The following FRMD4A variants were observed in gnomAD, a reference collection of about 807,000 sequenced individuals.
FRMD4A encodes the protein FERM domain-containing protein 4A.
FRMD4A carries 29 observed loss-of-function variants against 129.1 expected under a neutral mutation model. That is an observed-to-expected ratio of 0.22 (90% CI 0.17 to 0.31). The LOEUF (loss-of-function observed/expected upper bound fraction) is 0.31. FRMD4A is among the 10% of genes least tolerant of loss of function. The pLI, the probability that FRMD4A is intolerant of heterozygous loss-of-function variation, is 1.00. For synonymous variants in FRMD4A, 634 were observed against 571.6 expected, an observed-to-expected ratio of 1.11 and a Z score of -1.56; for missense variants, 1,272 against 1,375.8, an observed-to-expected ratio of 0.92 and a Z score of 1.19.
At chr10:13,759,672 T>C (rs1474580943) in intron 8 of FRMD4A, among the ~76,000 whole-genome samples, 1 of 152,180 alleles carries the variant, frequency 6.6e-6, no homozygotes, top group East Asian at 1.9e-4. Context: ...CAAATTAATG[T>C]CATAAAAAAG....
chr10:14,119,215 C>A (rs1410132832), intron 2 of FRMD4A, among the ~76,000 whole-genome samples: 2 of 152,160 alleles, frequency 1.3e-5, no homozygotes, highest in African/African-American at 4.8e-5. Context: ...ACCTGGGCTG[C>A]AGCTTCTGTG....
At chr10:13,754,909 T>G (rs147847246) in intron 8 of FRMD4A, among the ~76,000 whole-genome samples, 1 of 152,332 alleles carries the variant, frequency 6.6e-6, no homozygotes, top group East Asian at 1.9e-4. Context: ...AAGTGGTCAA[T>G]TTAAAAATCG....
chr10:13,790,792 G>A (rs1428516997), intron 5 of FRMD4A, among the ~76,000 whole-genome samples: 3 of 152,120 alleles, frequency 2.0e-5, no homozygotes, highest in East Asian at 1.9e-4. Context: ...CCCATCTCTC[G>A]GCGGTTGCTG....
In FRMD4A at chr10:13,847,358, C is replaced by T. The variant is rs530083688; in HGVS notation, c.111+11489G>A. 1.2e-4 allele frequency among the ~76,000 whole-genome samples: 18 copies of T among 152,226 alleles called. No individual in the cohort carries two copies. In the South Asian group the frequency reaches 2.5e-3, roughly 21 times the overall value. On this transcript the variant is annotated intron_variant, in intron 3 of 24. Transcript: ENST00000357447. ...GAAGCCACAAACAGAGATTCAAGGGCGATAGGGAAGGCCCGCTGGGGTAGA... is the reference window on the plus strand; with the variant it reads ...GAAGCCACAAACAGAGATTCAAGGGTGATAGGGAAGGCCCGCTGGGGTAGA...
At chr10:13,801,651 T>C (rs953202443) in intron 4 of FRMD4A, among the ~76,000 whole-genome samples, 5 of 152,188 alleles carry the variant, frequency 3.3e-5, no homozygotes, top group African/African-American at 7.2e-5. Flanking sequence ...AAAGATGGAT[T>C]AAAAAGCAAA....
intron 8 of FRMD4A, among the ~76,000 whole-genome samples, chr10:13,749,749 G>A (rs547316474): frequency 6.6e-6 from 1 of 152,050 alleles, no homozygotes; most frequent in Non-Finnish European, 1.5e-5. Context: ...AGCATCTGGG[G>A]AGGCCGAAGT....
At chr10:13,653,452 A>G (rs1002462150) in intron 23 of FRMD4A, 4 of 152,342 alleles carry the variant, frequency 2.6e-5, no homozygotes, top group Non-Finnish European at 5.9e-5. Context: ...GTGAGCTGAT[A>G]TCGCACCACT....
intron 2 of FRMD4A, among the ~76,000 whole-genome samples, chr10:14,136,090 G>T (rs1369700933): frequency 6.6e-6 from 1 of 152,144 alleles, no homozygotes; most frequent in East Asian, 1.9e-4. Flanking sequence ...GGAACCAGTA[G>T]GTTCCAAGTG....
intron 2 of FRMD4A, among the ~76,000 whole-genome samples, chr10:14,298,058 A>G (rs188289250): frequency 9.5e-4 from 145 of 152,330 alleles, no homozygotes; most frequent in Middle Eastern, 3.4e-3. Context: ...ATAAAGTTTT[A>G]TTGGAACATA....
At chr10:13,857,531 CCTT>C (rs2094230259) in intron 3 of FRMD4A, among the ~76,000 whole-genome samples, 1 of 152,056 alleles carries the variant, frequency 6.6e-6, no homozygotes, top group Non-Finnish European at 1.5e-5. Flanking sequence ...ATTTATAAAG[CCTT>C]TATCATTTGA....
intron 2 of FRMD4A, among the ~76,000 whole-genome samples, chr10:14,116,551 G>T (rs765362529): frequency 6.6e-6 from 1 of 152,176 alleles, no homozygotes; most frequent in Non-Finnish European, 1.5e-5. Context: ...AGCTGAGATG[G>T]CCATAGGGGT....
intron 2 of FRMD4A, among the ~76,000 whole-genome samples, chr10:14,005,961 C>G (rs2095660799): frequency 6.6e-6 from 1 of 152,174 alleles, no homozygotes; most frequent in Admixed American, 6.5e-5. Context: ...GAAACCAACT[C>G]AAATGCCTGG....
intron 2 of FRMD4A, among the ~76,000 whole-genome samples, chr10:13,916,933 A>G (rs1234490200): frequency 6.6e-6 from 1 of 152,216 alleles, no homozygotes; most frequent in Admixed American, 6.5e-5. Context: ...CACATTTAAA[A>G]CGAAAGCTTT....
chr10:14,033,972 C>T (rs1833380631), intron 2 of FRMD4A, among the ~76,000 whole-genome samples: 1 of 152,176 alleles, frequency 6.6e-6, no homozygotes, highest in Non-Finnish European at 1.5e-5. Context: ...GAGCTTGAGG[C>T]ATTCATCCTA....
intron 2 of FRMD4A, among the ~76,000 whole-genome samples, chr10:13,931,795 A>T (rs1181151876): frequency 6.8e-6 from 1 of 146,386 alleles, no homozygotes; most frequent in Non-Finnish European, 1.5e-5. Context: ...AAAAAAAAAT[A>T]GAAAATAGCT....
At chr10:14,067,994 T>C (rs1055822834) in intron 2 of FRMD4A, among the ~76,000 whole-genome samples, 1 of 152,344 alleles carries the variant, frequency 6.6e-6, no homozygotes, top group Middle Eastern at 3.4e-3. Context: ...TAAGTCTTCC[T>C]CCACTCCAAA....
At chr10:13,699,240 T>G (rs796098493) in intron 14 of FRMD4A, among the ~76,000 whole-genome samples, 29,259 of 142,776 alleles carry the variant, frequency 0.2, 3,595 homozygotes, top group Non-Finnish European at 0.26. Flanking sequence ...TTTTTTTTTT[T>G]TTTTTTTTGT....
At chr10:14,143,049 C>T (rs1839912737) in intron 2 of FRMD4A, among the ~76,000 whole-genome samples, 1 of 152,172 alleles carries the variant, frequency 6.6e-6, no homozygotes, top group Non-Finnish European at 1.5e-5. Context: ...TGGAATGCAA[C>T]ATGGTGCAGC....
At chr10:13,734,355 T>G (rs1370693349) in intron 12 of FRMD4A, among the ~76,000 whole-genome samples, 1 of 152,186 alleles carries the variant, frequency 6.6e-6, no homozygotes, top group Admixed American at 6.5e-5. Context: ...AATCTGACAC[T>G]ATACTCCTCA....
Sources: allele counts gnomAD v4.1 joint callset (sites outside exome capture counted in the v4.1 genomes callset), GRCh38; gene constraint gnomAD v4.1.1; transcripts MANE v1.5; gene names NCBI Gene and HGNC (gene_info 2026-07-23, HGNC 2026-07-21).